Variants in CTNNA3 observed in about 807,000 individuals in gnomAD.
The protein encoded by CTNNA3 is catenin alpha-3.
In CTNNA3, 76 loss-of-function variants were observed where a neutral mutation model predicts 95.7. The ratio of observed to expected loss-of-function variants is 0.79; its 90% CI spans 0.66 to 0.96. The LOEUF is 0.96. Among genes scored for constraint, CTNNA3 ranks in the 40% least tolerant of loss-of-function variants. The probability of loss-of-function intolerance (pLI) is 0.00; values close to 1 mark genes in which losing one functional copy is unlikely to be tolerated. For synonymous variants in CTNNA3, 431 were observed against 374.4 expected (o/e 1.15, Z -1.74); for missense variants, 1,191 against 1,089.8 (o/e 1.09, Z -1.31).
chr10:65,920,418 G>A lies in CTNNA3; in HGVS notation c.2600C>T (p.Thr867Met), dbSNP rs761402440. Reference sequence around the variant, plus strand: ...TGAGCCTCGTCTGACAGCTGCACACGTTTCCTCTGGCTTCTCTCTTTTAAT... The same window carrying A: ...TGAGCCTCGTCTGACAGCTGCACACATTTCCTCTGGCTTCTCTCTTTTAAT... ...PLIKREKPEE[T>M]CAAVRRGSAK... is the part of the protein sequence containing the mutation. The change falls in exon 18 of 18, where the codon ACG becomes ATG. Residue 867 changes from threonine to methionine, a missense_variant. Transcript: ENST00000433211. The A allele has an allele frequency of 2.1e-5, 34 of 1,613,946 alleles. No individual in the cohort carries two copies. The highest frequency in any genetic ancestry group is 2.7e-5 in the African/African-American group (2 of 74,888).
At chr10:66,818,911 G>A (rs1589290693) in intron 7 of CTNNA3, among the ~76,000 whole-genome samples, 1 of 151,898 alleles carries the variant, frequency 6.6e-6, no homozygotes, top group Non-Finnish European at 1.5e-5. Context: ...CCAACATGGC[G>A]AAACCCCATC....
chr10:66,967,648 G>A (rs1464465720), intron 7 of CTNNA3, among the ~76,000 whole-genome samples: 3 of 151,900 alleles, frequency 2.0e-5, no homozygotes, highest in African/African-American at 7.3e-5. Flanking sequence ...AATAAAAACT[G>A]ACACATTTTC....
intron 11 of CTNNA3, among the ~76,000 whole-genome samples, chr10:66,476,655 A>G (rs1312627965): frequency 6.6e-6 from 1 of 152,086 alleles, no homozygotes; most frequent in Admixed American, 6.6e-5. Context: ...TACTGCAGAA[A>G]AATATATTTC....
chr10:66,061,359 G>A (rs2080195348), intron 15 of CTNNA3, among the ~76,000 whole-genome samples: 1 of 152,040 alleles, frequency 6.6e-6, no homozygotes, highest in Non-Finnish European at 1.5e-5. Context: ...TCACACTGCT[G>A]ATACAGTACT....
chr10:66,189,168 G>A (rs1017231798), intron 13 of CTNNA3, among the ~76,000 whole-genome samples: 10 of 150,894 alleles, frequency 6.6e-5, no homozygotes, highest in East Asian at 1.9e-4. Context: ...CTCCTAATCC[G>A]TATGCTGCTT....
At chr10:66,691,385 G>A (rs534541868) in intron 9 of CTNNA3, among the ~76,000 whole-genome samples, 3 of 152,298 alleles carry the variant, frequency 2.0e-5, no homozygotes, top group South Asian at 2.1e-4. Context: ...ATCAAACTGC[G>A]AGGCAGCAGC....
At chr10:66,713,442 G>C (rs1320496659) in intron 9 of CTNNA3, among the ~76,000 whole-genome samples, 1 of 151,800 alleles carries the variant, frequency 6.6e-6, no homozygotes, top group Non-Finnish European at 1.5e-5. Context: ...TTTTTTTGTT[G>C]TTTGGTTTTT....
At position 66,927,458 on chromosome 10, in the gene CTNNA3, G is replaced by A; in HGVS notation, c.1048-151934C>T. On this transcript the variant is annotated intron_variant, in intron 7 of 17. Coordinates refer to ENST00000433211, the MANE Select transcript of CTNNA3 (RefSeq NM_013266.4). This position sits in a 1 kb window ranked among gnomAD's most constrained non-coding sequence, Gnocchi z 4.7. The stretch of plus-strand genomic sequence containing the variant: ...CCTGTGCGAATATTCCAAGACTGCC[G>A]CAACCTGGAACTTTTGGACCTGGGA... 3.1e-6 allele frequency: 5 copies of A among 1,614,070 alleles called. No homozygotes were observed. Among genetic ancestry groups the A allele is most frequent in the Non-Finnish European group, 4.2e-6 (5 of 1,180,018 alleles).
chr10:66,723,493 C>T (rs1050446557), intron 9 of CTNNA3, among the ~76,000 whole-genome samples: 1 of 152,066 alleles, frequency 6.6e-6, no homozygotes, highest in Non-Finnish European at 1.5e-5. Context: ...GGACTAAGGT[C>T]ATCAAAAAAA....
chr10:67,008,798 C>A (rs1852158262), intron 7 of CTNNA3, among the ~76,000 whole-genome samples: 1 of 152,062 alleles, frequency 6.6e-6, no homozygotes, highest in Non-Finnish European at 1.5e-5. Flanking sequence ...GACAGAAGGC[C>A]CCAGTGCATA....
chr10:66,172,236 G>A (rs949710113), intron 13 of CTNNA3, among the ~76,000 whole-genome samples: 3 of 152,044 alleles, frequency 2.0e-5, no homozygotes, highest in Non-Finnish European at 4.4e-5. Context: ...TGAAAGATAT[G>A]ATTAAAAATA....
intron 11 of CTNNA3, among the ~76,000 whole-genome samples, chr10:66,481,177 G>A (rs1839511378): frequency 6.6e-6 from 1 of 152,112 alleles, no homozygotes; most frequent in African/African-American, 2.4e-5. Flanking sequence ...GTTTGTGAGA[G>A]AGCAATTTTC....
At chr10:66,420,838 TAAAA>T (rs71466875) in intron 11 of CTNNA3, among the ~76,000 whole-genome samples, 3 of 82,996 alleles carry the variant, frequency 3.6e-5, no homozygotes, top group African/African-American at 1.2e-4. Flanking sequence ...AATAAATAAA[TAAAA>T]AACAATATGG....
At chr10:67,094,370 T>A (rs1857840391) in intron 7 of CTNNA3, among the ~76,000 whole-genome samples, 1 of 151,860 alleles carries the variant, frequency 6.6e-6, no homozygotes, top group African/African-American at 2.4e-5. Flanking sequence ...GTCTTTTAAA[T>A]TGAAGTAAAA....
chr10:66,659,916 T>C (rs186615492), intron 9 of CTNNA3, among the ~76,000 whole-genome samples: 59 of 152,252 alleles, frequency 3.9e-4, no homozygotes, highest in Non-Finnish European at 6.8e-4. Flanking sequence ...CTAGGAGATT[T>C]AATGAAAATA....
intron 13 of CTNNA3, among the ~76,000 whole-genome samples, chr10:66,184,292 C>CT (rs1326533022): frequency 3.9e-5 from 6 of 152,104 alleles, no homozygotes; most frequent in African/African-American, 1.4e-4. Flanking sequence ...GAGCAAGACT[C>CT]TGTCTCAAAA....
upstream of CTNNA3, among the ~76,000 whole-genome samples, chr10:67,700,922 A>G (rs990605867): frequency 2.6e-5 from 4 of 152,244 alleles, no homozygotes; most frequent in Admixed American, 6.5e-5. Flanking sequence ...AATACAGAGA[A>G]GTGCTTAAAG....
chr10:67,176,949 T>C (rs542204032), intron 7 of CTNNA3: 2 of 507,742 alleles, frequency 3.9e-6, no homozygotes, highest in East Asian at 1.1e-4. Context: ...TGATTTTTAC[T>C]CCAGTGAGGC....
At chr10:66,426,219 A>G (rs1295338875) in intron 11 of CTNNA3, among the ~76,000 whole-genome samples, 1 of 151,980 alleles carries the variant, frequency 6.6e-6, no homozygotes, top group East Asian at 1.9e-4. Context: ...CTTTTGGTGC[A>G]CATATATGCT....
Sources: allele counts gnomAD v4.1 joint callset (sites outside exome capture counted in the v4.1 genomes callset), GRCh38; gene constraint gnomAD v4.1.1; non-coding constraint Gnocchi (gnomAD v3.1); transcripts MANE v1.5; gene names NCBI Gene and HGNC (gene_info 2026-07-23, HGNC 2026-07-21).